The following PIK3R3 variants were observed in gnomAD, a reference collection of about 807,000 sequenced individuals.
PIK3R3 encodes the protein phosphoinositide-3-kinase regulatory subunit 3.
Under a neutral mutation model 62.9 loss-of-function variants are expected in PIK3R3, and 64 were observed. That is an observed-to-expected ratio of 1.02 (90% CI 0.83 to 1.25). The LOEUF (loss-of-function observed/expected upper bound fraction) is 1.25. Among genes scored for constraint, PIK3R3 ranks in the 50% most tolerant of loss-of-function variants. The pLI, the probability that PIK3R3 is intolerant of heterozygous loss-of-function variation, is 0.00. For missense variants in PIK3R3, 614 were observed against 561.6 expected (o/e 1.09, Z -0.94); for synonymous variants, 165 against 189.0 (o/e 0.87, Z 1.04).
chr1:46,053,784 G>A (rs563028822), intron 7 of PIK3R3, among the ~76,000 whole-genome samples: 1 of 152,284 alleles, frequency 6.6e-6, no homozygotes, highest in East Asian at 1.9e-4. Context: ...CGCCCCTTGG[G>A]ATGGTATATT....
chr1:46,084,827 T>C (rs1650916911), intron 1 of PIK3R3, among the ~76,000 whole-genome samples: 2 of 152,198 alleles, frequency 1.3e-5, no homozygotes, highest in African/African-American at 4.8e-5. Context: ...GGTCAAACAC[T>C]AAGCTTCTCA....
At chr1:46,128,343 A>C (rs1655274245) in intron 1 of PIK3R3, among the ~76,000 whole-genome samples, 1 of 152,190 alleles carries the variant, frequency 6.6e-6, no homozygotes, top group Admixed American at 6.5e-5. Flanking sequence ...AGGCTCAGGG[A>C]CAAGAATCCT....
chr1:46,158,911 C>T, the PIK3R3 span, among the ~76,000 whole-genome samples: 5,705 of 150,898 alleles, frequency 0.038, 352 homozygotes, highest in African/African-American at 0.13. Flanking sequence ...TATGGTGACA[C>T]CCCGTCTCTA....
At chr1:46,126,673 T>C (rs1655119229) in intron 1 of PIK3R3, among the ~76,000 whole-genome samples, 1 of 149,670 alleles carries the variant, frequency 6.7e-6, no homozygotes, top group African/African-American at 2.5e-5. Context: ...CTAACATGTT[T>C]GCCAGGCATG....
intron 1 of PIK3R3, among the ~76,000 whole-genome samples, chr1:46,103,256 C>G (rs554605096): frequency 1.9e-4 from 29 of 152,190 alleles, no homozygotes; most frequent in African/African-American, 6.7e-4. Flanking sequence ...TGTTAATATG[C>G]TTAGTATCAC....
At chr1:46,133,526 G>C (rs1655802940), upstream of PIK3R3, among the ~76,000 whole-genome samples, 2 of 152,168 alleles carry the variant, frequency 1.3e-5, no homozygotes, top group African/African-American at 2.4e-5. Flanking sequence ...TGCTGGGACA[G>C]CCCTCTCCGC....
chr1:46,132,824 G>C, upstream of PIK3R3: 2 of 1,218,796 alleles, frequency 1.6e-6, no homozygotes, highest in Non-Finnish European at 2.1e-6. Context: ...TCAAAAAGCT[G>C]CTCTCCATCT....
intron 1 of PIK3R3, among the ~76,000 whole-genome samples, chr1:46,122,840 A>C (rs769991761): frequency 6.6e-6 from 1 of 152,176 alleles, no homozygotes; most frequent in African/African-American, 2.4e-5. Flanking sequence ...AATAATATTA[A>C]CATTTTAAAG....
chr1:46,143,305 G>A, the PIK3R3 span, among the ~76,000 whole-genome samples: 1 of 152,160 alleles, frequency 6.6e-6, no homozygotes, highest in Non-Finnish European at 1.5e-5. Flanking sequence ...CTCCATTGTA[G>A]TAGATACCTT....
upstream of PIK3R3, among the ~76,000 whole-genome samples, chr1:46,134,198 G>A (rs1483494003): frequency 6.6e-6 from 1 of 152,176 alleles, no homozygotes. Flanking sequence ...CCTGATTTAA[G>A]CCCTAGCAAA....
At chr1:46,067,118 G>A (rs774451647) in intron 3 of PIK3R3, 27 bp from the exon 4 acceptor site, 1 of 1,501,886 alleles carries the variant, frequency 6.7e-7, no homozygotes, top group Non-Finnish European at 8.9e-7. Context: ...AACAACTGTG[G>A]ATTTTTTTCC....
At chr1:46,105,151 T>C (rs1571509666) in intron 1 of PIK3R3, 1 of 672,958 alleles carries the variant, frequency 1.5e-6, no homozygotes, top group Non-Finnish European at 2.7e-6. Flanking sequence ...GGAGAGTCAC[T>C]CCGAAGGAAT....
At chr1:46,105,019 T>C in intron 1 of PIK3R3, 1 of 670,484 alleles carries the variant, frequency 1.5e-6, no homozygotes, top group Non-Finnish European at 2.8e-6. Flanking sequence ...ACCAGAAACA[T>C]ACACCTGATT....
At chr1:46,058,327 G>A (rs973783449) in intron 6 of PIK3R3, among the ~76,000 whole-genome samples, 2 of 152,266 alleles carry the variant, frequency 1.3e-5, no homozygotes, top group Non-Finnish European at 2.9e-5. Context: ...GAAGGGAAAT[G>A]CGGGGTCGAA....
At chr1:46,128,731 C>T (rs747538174) in intron 1 of PIK3R3, among the ~76,000 whole-genome samples, 13 of 152,200 alleles carry the variant, frequency 8.5e-5, no homozygotes, top group Non-Finnish European at 1.6e-4. Flanking sequence ...GAGAAGCATA[C>T]ATAAATAGTA....
intron 1 of PIK3R3, among the ~76,000 whole-genome samples, chr1:46,096,819 C>G (rs1362218330): frequency 7.0e-6 from 1 of 142,284 alleles, no homozygotes; most frequent in African/African-American, 2.6e-5. Flanking sequence ...CCATCCTGGG[C>G]AACAGAGCGA....
At chr1:46,105,006 G>C in intron 1 of PIK3R3, 1 of 731,156 alleles carries the variant, frequency 1.4e-6, no homozygotes, top group Non-Finnish European at 2.5e-6. Context: ...GCAAGGCAGA[G>C]CCACCAGAAA....
rs1179172400 is a variant in PIK3R3, at chr1:46,074,286, C to CAAAA, written c.314+3225_314+3228dup. The stretch of plus-strand genomic sequence containing the variant: ...CCTGGGCGACAGAGCTAGACTCCGT[C>CAAAA]AAAAAAAAAAAAAAAAAAAAAAAAA... On this transcript the variant is annotated intron_variant, in intron 3 of 9. Coordinates refer to ENST00000262741, the MANE Select transcript of PIK3R3 (RefSeq NM_003629.4). Among the ~76,000 whole-genome samples, 73 of 20,810 alleles carry CAAAA rather than the reference C, an allele frequency of 3.5e-3. 7 individuals carry two copies. The highest frequency in any genetic ancestry group is 5.9e-3 in the East Asian group (4 of 676). 13.7% of individuals were successfully genotyped at this position (20,810 alleles called of 152,430 possible). A position where few individuals can be genotyped will look rare whatever the true frequency, so the allele number is the denominator to read the frequency against.
chr1:46,132,673 C>T, upstream of PIK3R3: 1 of 1,289,748 alleles, frequency 7.8e-7, no homozygotes, highest in Non-Finnish European at 1.0e-6. Flanking sequence ...GCGGAGGGGA[C>T]ACCCTCCCCG....
Sources: gnomAD v4.1 joint callset for allele counts (sites outside exome capture counted in the v4.1 genomes callset) on GRCh38, gnomAD v4.1.1 for gene constraint, MANE v1.5 for transcripts, NCBI Gene and HGNC (gene_info 2026-07-23, HGNC 2026-07-21) for gene names.